VAPB: variants seen among roughly 807,000 people sequenced by gnomAD.
The protein encoded by VAPB is vesicle-associated membrane protein-associated protein B/C.
A neutral mutation model predicts 25.6 loss-of-function variants in VAPB; 7 were observed. The ratio of observed to expected loss-of-function variants is 0.27; its 90% CI spans 0.16 to 0.51. VAPB has a LOEUF of 0.51. Among genes scored for constraint, VAPB ranks in the 20% least tolerant of loss-of-function variants. VAPB has a pLI of 0.97. For missense variants in VAPB, 266 were observed against 301.3 expected, an observed-to-expected ratio of 0.88 and a Z score of 0.87; for synonymous variants, 112 against 109.2, an observed-to-expected ratio of 1.03 and a Z score of -0.16.
At chr20:58,408,548 G>A (rs1988289166) in intron 1 of VAPB, among the ~76,000 whole-genome samples, 1 of 151,998 alleles carries the variant, frequency 6.6e-6, no homozygotes, top group African/African-American at 2.4e-5. Flanking sequence ...TTATTCTTGA[G>A]TTCATGGTTA....
chr20:58,399,066 T>A lies in VAPB; in HGVS notation c.58+9549T>A, dbSNP rs1857067239. Among the ~76,000 whole-genome samples, 3 of 152,108 alleles carry A rather than the reference T, an allele frequency of 2.0e-5. No individual in the cohort carries two copies. The South Asian group carries it at 6.2e-4, about 32-fold the overall frequency. On this transcript the variant is annotated intron_variant, in intron 1 of 5. Coordinates refer to ENST00000475243, the MANE Select transcript of VAPB (RefSeq NM_004738.5). ...CTGTAATCCCAGCACTTTGGGAGTCTGAGGTGGGTGGATCACCTGAGGTCA... is the reference window on the plus strand; with the variant it reads ...CTGTAATCCCAGCACTTTGGGAGTCAGAGGTGGGTGGATCACCTGAGGTCA...
intron 1 of VAPB, among the ~76,000 whole-genome samples, chr20:58,413,927 T>G (rs55813770): frequency 3.3e-5 from 1 of 30,434 alleles, no homozygotes; most frequent in East Asian, 1.1e-3. Context: ...ACCTCCCGGA[T>G]GGGGCGGCTG....
intron 2 of VAPB, among the ~76,000 whole-genome samples, chr20:58,433,208 G>A (rs1252416012): frequency 1.3e-5 from 2 of 152,204 alleles, no homozygotes; most frequent in Non-Finnish European, 1.5e-5. Context: ...TGACTAGTGT[G>A]GTGAAAGGGG....
At chr20:58,422,862 G>C (rs1324439200) in intron 2 of VAPB, among the ~76,000 whole-genome samples, 4 of 152,136 alleles carry the variant, frequency 2.6e-5, no homozygotes, top group African/African-American at 9.7e-5. Flanking sequence ...AAGCAAATTA[G>C]AAATGCAAAA....
At chr20:58,393,001 A>G (rs1437868843) in intron 1 of VAPB, among the ~76,000 whole-genome samples, 2 of 152,152 alleles carry the variant, frequency 1.3e-5, no homozygotes, top group African/African-American at 4.8e-5. Context: ...GTGAACATTA[A>G]GCTCTTTCAG....
intron 2 of VAPB, among the ~76,000 whole-genome samples, chr20:58,420,537 G>C (rs1362699902): frequency 6.6e-6 from 1 of 152,154 alleles, no homozygotes; most frequent in Non-Finnish European, 1.5e-5. Context: ...TGCTCTTTCT[G>C]TCATACTAAA....
intron 1 of VAPB, among the ~76,000 whole-genome samples, chr20:58,397,323 C>T (rs1009283332): frequency 1.3e-5 from 2 of 151,796 alleles, no homozygotes; most frequent in African/African-American, 4.8e-5. Context: ...AGTTCGAGAC[C>T]AGCCTGACCA....
intron 1 of VAPB, among the ~76,000 whole-genome samples, chr20:58,397,318 G>A (rs1056571924): frequency 1.1e-4 from 16 of 152,008 alleles, no homozygotes; most frequent in East Asian, 1.9e-4. Flanking sequence ...TCAGGAGTTC[G>A]AGACCAGCCT....
Position 58,389,380 on chromosome 20 carries a change from AG to A in VAPB, c.-79del. On this transcript the variant is annotated 5_prime_UTR_variant, in exon 1 of 6. Transcript: ENST00000475243. ...GTCCCCGCCTTTTTGTAAAACTTAA[AG>A]CGGGCGCAGCATTAACGCTTCCCGC... 6.7e-7 allele frequency: 1 copy of A among 1,488,862 alleles called. No homozygotes were observed. Among genetic ancestry groups the A allele is most frequent in the Non-Finnish European group, 9.1e-7 (1 of 1,097,802 alleles). The allele number at this position is 1,488,862 out of a possible 1,614,324, so 92.2% of individuals were successfully genotyped here.
intron 1 of VAPB, among the ~76,000 whole-genome samples, chr20:58,391,819 C>T (rs1452779770): frequency 6.6e-6 from 1 of 152,206 alleles, no homozygotes; most frequent in Non-Finnish European, 1.5e-5. Context: ...AGGCGTGAGC[C>T]CGGCCACCAC....
In VAPB at chr20:58,397,387, C is replaced by T. The variant is rs530545369; in HGVS notation, c.58+7870C>T. 5.9e-5 allele frequency among the ~76,000 whole-genome samples: 9 copies of T among 152,074 alleles called. No individual in the cohort carries two copies. The South Asian group carries it at 1.5e-3, about 25-fold the overall frequency. On this transcript the variant is annotated intron_variant, in intron 1 of 5. Coordinates refer to ENST00000475243, the MANE Select transcript of VAPB (RefSeq NM_004738.5). ...ATACAAAATTAGCCGGGCATGGTAG[C>T]GCATGCCTGTAATCCCAGCTACTTG...
chr20:58,424,254 C>A (rs1329674428), intron 2 of VAPB, among the ~76,000 whole-genome samples: 1 of 151,920 alleles, frequency 6.6e-6, no homozygotes, highest in Non-Finnish European at 1.5e-5. Flanking sequence ...TTTATTCTTA[C>A]CTTAGACTTA....
At chr20:58,411,562 G>A (rs893925760) in intron 1 of VAPB, among the ~76,000 whole-genome samples, 2 of 152,208 alleles carry the variant, frequency 1.3e-5, no homozygotes, top group African/African-American at 2.4e-5. Flanking sequence ...GTGAGCCACC[G>A]CACCCGGCCA....
At chr20:58,425,066 A>G (rs1988757421) in intron 2 of VAPB, among the ~76,000 whole-genome samples, 1 of 152,158 alleles carries the variant, frequency 6.6e-6, no homozygotes, top group East Asian at 1.9e-4. Context: ...GAATTATATC[A>G]CCTTGTTTAG....
chr20:58,441,093 T>G lies in VAPB; in HGVS notation c.573+10T>G. 6.2e-7 allele frequency: 1 copy of G among 1,613,412 alleles called. No homozygotes were observed. On this transcript the variant is annotated intron_variant, in intron 5 of 5. Coordinates refer to ENST00000475243, the MANE Select transcript of VAPB (RefSeq NM_004738.5). ...GAACAAGCAGTTCAAGGTAATAGTT[T>G]ATTTTCTGGTAATCTACAGAAAACA...
chr20:58,439,132 T>C, intron 4 of VAPB, 107 bp downstream of exon 4: 1 of 1,056,620 alleles, frequency 9.5e-7, no homozygotes, highest in Non-Finnish European at 1.4e-6. Flanking sequence ...TTTTCCTTTA[T>C]CTGATGTCTG....
intron 4 of VAPB, chr20:58,440,681 C>G (rs1030380072): frequency 2.9e-5 from 13 of 455,896 alleles, no homozygotes; most frequent in South Asian, 2.8e-4. Flanking sequence ...GTATTAGTCT[C>G]AGCCGAACTT....
intron 3 of VAPB, among the ~76,000 whole-genome samples, chr20:58,435,645 C>CCT (rs1989027715): frequency 6.6e-6 from 1 of 152,180 alleles, no homozygotes; most frequent in Non-Finnish European, 1.5e-5. Context: ...CACCACATAG[C>CCT]CTTTTGTTTA....
rs753611165 is a variant in VAPB at position 58,389,522 on chromosome 20, G to A, written c.58+5G>A. 89 of 1,580,402 alleles carry A rather than the reference G, an allele frequency of 5.6e-5. No homozygotes were observed. The highest frequency in any genetic ancestry group is 7.4e-5 in the Non-Finnish European group (86 of 1,164,624). ...AGCACGAGCTCAAATTCCGAGGTAA[G>A]CCCCAGAGGCCGCCACCTTCCTGCC... On this transcript the variant is annotated splice_donor_5th_base_variant and intron_variant, in intron 1 of 5. Coordinates refer to ENST00000475243, the MANE Select transcript of VAPB (RefSeq NM_004738.5).
Sources: allele counts gnomAD v4.1 joint callset (sites outside exome capture counted in the v4.1 genomes callset), GRCh38; gene constraint gnomAD v4.1.1; transcripts MANE v1.5; gene names NCBI Gene and HGNC (gene_info 2026-07-23, HGNC 2026-07-21).